Variants in DAPK1 observed in about 807,000 individuals in gnomAD.
The protein encoded by DAPK1 is death-associated protein kinase 1.
In DAPK1, 56 loss-of-function variants were observed where a neutral mutation model predicts 144.9. That is an observed-to-expected ratio of 0.39 (90% CI 0.31 to 0.48). The LOEUF (loss-of-function observed/expected upper bound fraction) is 0.48, where lower values mean the gene tolerates loss of function less well. Ranked by LOEUF, DAPK1 falls within the 20% of genes least tolerant of loss-of-function variation. The pLI is 0.95. For missense variants in DAPK1, 1,454 were observed against 1,875.4 expected (o/e 0.78, Z 4.15); for synonymous variants, 690 against 749.0 (o/e 0.92, Z 1.29).
chr9:87,701,718 GTAT>G (rs540983200), intron 24 of DAPK1: 72 of 292,728 alleles, frequency 2.5e-4, no homozygotes, highest in Non-Finnish European at 1.9e-4. Context: ...GCCTCTGGGT[GTAT>G]TTTTTTTTTT....
chr9:87,615,259 C>T (rs1829055406), intron 3 of DAPK1, among the ~76,000 whole-genome samples: 1 of 152,232 alleles, frequency 6.6e-6, no homozygotes, highest in Non-Finnish European at 1.5e-5. Flanking sequence ...CTCTTTATTT[C>T]CCTGTGTGTA....
intron 2 of DAPK1, among the ~76,000 whole-genome samples, chr9:87,591,227 G>A (rs150025154): frequency 3.2e-4 from 48 of 152,286 alleles, no homozygotes; most frequent in African/African-American, 8.4e-4. Flanking sequence ...TACAGGATCT[G>A]AAATACACCG....
At chr9:87,660,557 A>AGGG (rs1830806452) in intron 18 of DAPK1, among the ~76,000 whole-genome samples, 1 of 152,160 alleles carries the variant, frequency 6.6e-6, no homozygotes, top group South Asian at 2.1e-4. Flanking sequence ...GGGTGAAGTC[A>AGGG]GGGTCTTCAG....
intron 17 of DAPK1, 97 bp downstream of exon 17, chr9:87,651,821 T>C (rs932081454): frequency 3.9e-6 from 4 of 1,031,438 alleles, no homozygotes; most frequent in Non-Finnish European, 5.9e-6. Context: ...TCCCAGGTCC[T>C]GATTCTGTGT....
chr9:87,582,460 G>T (rs1020985334), intron 2 of DAPK1, among the ~76,000 whole-genome samples: 9 of 151,954 alleles, frequency 5.9e-5, no homozygotes, highest in Admixed American at 5.9e-4. Context: ...TGGCAAGTTT[G>T]TTGAGACTGA....
intron 17 of DAPK1, among the ~76,000 whole-genome samples, chr9:87,657,223 G>A (rs545277703): frequency 6.6e-6 from 1 of 152,274 alleles, no homozygotes; most frequent in East Asian, 1.9e-4. Flanking sequence ...AGCTAAGAAA[G>A]ATAATACACA....
rs2118120304 is a variant in DAPK1, at chr9:87,706,098, T to C, written c.3061-34T>C. The C allele has an allele frequency of 6.5e-7, 1 of 1,537,962 alleles. No homozygotes were observed. The highest frequency in any genetic ancestry group is 2.3e-5 in the East Asian group (1 of 44,072). On this transcript the variant is annotated intron_variant, in intron 25 of 25. Coordinates refer to ENST00000408954, the MANE Select transcript of DAPK1 (RefSeq NM_004938.4). The surrounding 1 kb of genome is among the most constrained non-coding windows in gnomAD (Gnocchi z 9.0). ...GCTGGTGCACCTGGCCAGGGCTCTGTCCCTAAGCGTGACTTTCTGTTGTCC... is the reference window on the plus strand; with the variant it reads ...GCTGGTGCACCTGGCCAGGGCTCTGCCCCTAAGCGTGACTTTCTGTTGTCC...
intron 24 of DAPK1, among the ~76,000 whole-genome samples, chr9:87,701,283 A>C (rs548410776): frequency 1.3e-5 from 2 of 152,316 alleles, no homozygotes; most frequent in Non-Finnish European, 1.5e-5. Context: ...CAAAGTCCAA[A>C]AATAAATGGA....
At chr9:87,659,232 G>A (rs1020315753) in intron 18 of DAPK1, among the ~76,000 whole-genome samples, 1 of 152,170 alleles carries the variant, frequency 6.6e-6, no homozygotes, top group Non-Finnish European at 1.5e-5. Context: ...TGCAGTGGGG[G>A]GCCCAGCTCT....
chr9:87,702,532 AAGG>A (rs1021692188), intron 24 of DAPK1, among the ~76,000 whole-genome samples: 20 of 152,314 alleles, frequency 1.3e-4, no homozygotes, highest in African/African-American at 4.6e-4. Flanking sequence ...CGAGGGAAGA[AAGG>A]AGGGAGGGAG....
At chr9:87,580,743 C>A (rs1486236802) in intron 2 of DAPK1, among the ~76,000 whole-genome samples, 1 of 152,174 alleles carries the variant, frequency 6.6e-6, no homozygotes, top group East Asian at 1.9e-4. Flanking sequence ...TATGTGATAT[C>A]CCAATAGTGA....
chr9:87,653,895 T>C (rs1391135175), intron 17 of DAPK1, among the ~76,000 whole-genome samples: 1 of 152,084 alleles, frequency 6.6e-6, no homozygotes, highest in Non-Finnish European at 1.5e-5. Context: ...GGTTTCACCA[T>C]GTTGGCCAGG....
At chr9:87,625,196 G>A (rs767178561) in intron 3 of DAPK1, among the ~76,000 whole-genome samples, 1 of 151,956 alleles carries the variant, frequency 6.6e-6, no homozygotes, top group Non-Finnish European at 1.5e-5. Context: ...CAGCACCTAT[G>A]TGACCAGAGG....
intron 3 of DAPK1, among the ~76,000 whole-genome samples, chr9:87,606,217 G>T (rs557445428): frequency 6.6e-6 from 1 of 152,198 alleles, no homozygotes; most frequent in Non-Finnish European, 1.5e-5. Flanking sequence ...GCTCCCAGGC[G>T]CCACCCTGCA....
intron 24 of DAPK1, among the ~76,000 whole-genome samples, chr9:87,701,531 A>G (rs773203219): frequency 3.9e-5 from 6 of 152,196 alleles, no homozygotes; most frequent in Non-Finnish European, 8.8e-5. Flanking sequence ...AGCATTCTCA[A>G]TGCTTTGGAC....
At chr9:87,582,955 A>G (rs1039684419) in intron 2 of DAPK1, among the ~76,000 whole-genome samples, 2 of 152,100 alleles carry the variant, frequency 1.3e-5, no homozygotes, top group African/African-American at 4.8e-5. Flanking sequence ...TAGCTGCTGC[A>G]TGGTAAGTTG....
At chr9:87,558,614 G>T (rs1826800832) in intron 2 of DAPK1, among the ~76,000 whole-genome samples, 1 of 152,280 alleles carries the variant, frequency 6.6e-6, no homozygotes. Context: ...ATACTAGCTG[G>T]TCTCTTGGTT....
At chr9:87,645,815 A>C in intron 11 of DAPK1, 80 bp from the exon 12 acceptor site, 1 of 1,545,460 alleles carries the variant, frequency 6.5e-7, no homozygotes, top group Non-Finnish European at 8.8e-7. Context: ...TTAACAAGTG[A>C]GCACAGGTTT....
At chr9:87,638,240 A>T (rs36211021) in intron 4 of DAPK1, among the ~76,000 whole-genome samples, 159 bp downstream of exon 4, 1 of 152,206 alleles carries the variant, frequency 6.6e-6, no homozygotes, top group African/African-American at 2.4e-5. Context: ...CATAGGATAC[A>T]TGCCCCCCAC....
Sources: allele counts gnomAD v4.1 joint callset (sites outside exome capture counted in the v4.1 genomes callset), GRCh38; gene constraint gnomAD v4.1.1; non-coding constraint Gnocchi (gnomAD v3.1); transcripts MANE v1.5; gene names NCBI Gene and HGNC (gene_info 2026-07-23, HGNC 2026-07-21).